OSBPL10: variants seen among roughly 807,000 people sequenced by gnomAD.
The protein encoded by OSBPL10 is oxysterol binding protein like 10.
A neutral mutation model predicts 81.7 loss-of-function variants in OSBPL10; 49 were observed. That is an observed-to-expected ratio of 0.60 (90% CI 0.48 to 0.76). The LOEUF (loss-of-function observed/expected upper bound fraction) is 0.76, where lower values mean the gene tolerates loss of function less well. Among genes scored for constraint, OSBPL10 ranks in the 30% least tolerant of loss-of-function variants. The pLI is 0.00. For missense variants in OSBPL10, 923 were observed against 987.8 expected (o/e 0.93, Z 0.88); for synonymous variants, 419 against 383.6 (o/e 1.09, Z -1.08).
At chr3:31,714,181 G>A (rs952416761) in intron 6 of OSBPL10, 7 of 152,376 alleles carry the variant, frequency 4.6e-5, no homozygotes, top group African/African-American at 1.7e-4. Context: ...CATGCACTGG[G>A]GGGTGGTAGT....
intron 2 of OSBPL10, among the ~76,000 whole-genome samples, chr3:32,044,519 A>T (rs1477316200): frequency 6.6e-6 from 1 of 151,546 alleles, no homozygotes; most frequent in Non-Finnish European, 1.5e-5. Context: ...AGGCGGGCAG[A>T]TCACTTGAGC....
intron 4 of OSBPL10, among the ~76,000 whole-genome samples, chr3:31,814,550 C>A (rs1699783981): frequency 6.6e-6 from 1 of 152,098 alleles, no homozygotes; most frequent in Admixed American, 6.6e-5. Context: ...GACACAGGTG[C>A]CCGAAGCTGG....
chr3:31,728,419 A>G (rs1463002024), intron 6 of OSBPL10, among the ~76,000 whole-genome samples: 1 of 152,204 alleles, frequency 6.6e-6, no homozygotes, highest in Non-Finnish European at 1.5e-5. Context: ...CTGGCACCAG[A>G]TATTTACCCT....
upstream of OSBPL10, among the ~76,000 whole-genome samples, chr3:31,983,173 T>A (rs1698882874): frequency 6.6e-6 from 1 of 152,212 alleles, no homozygotes; most frequent in African/African-American, 2.4e-5. Context: ...TAGCTTTGCC[T>A]AAGCTAACTT....
At chr3:31,923,740 T>C (rs981595342) in intron 1 of OSBPL10, among the ~76,000 whole-genome samples, 1 of 152,168 alleles carries the variant, frequency 6.6e-6, no homozygotes, top group African/African-American at 2.4e-5. Flanking sequence ...TGAGTTATGA[T>C]TGTGCCATTG....
In OSBPL10 at chr3:31,877,440, T is replaced by A. The variant is rs546132118; in HGVS notation, c.458-928A>T. On this transcript the variant is annotated intron_variant, in intron 2 of 11. Coordinates refer to ENST00000396556, the MANE Select transcript of OSBPL10 (RefSeq NM_017784.5). ...GTTATGTCCTTCCATCTATAACCTA[T>A]CTCTCAAATAATATATATGAAGTTA... Among the ~76,000 whole-genome samples the A allele has an allele frequency of 8.5e-5, 13 of 152,264 alleles. No individual in the cohort carries two copies. The South Asian group carries it at 2.5e-3, about 29-fold the overall frequency.
In OSBPL10 at chr3:31,916,291, A is replaced by G. The variant is rs2125699965; in HGVS notation, c.282-36461T>C. On this transcript the variant is annotated intron_variant, in intron 1 of 11. Transcript: ENST00000396556. ...AGTTAACATGCAGAAATCAATGTGC[A>G]TATTTTGTACAGCTTCCTACTCACC... is the stretch of plus-strand genomic sequence containing the variant. Among the ~76,000 whole-genome samples the G allele has an allele frequency of 2.6e-5, 4 of 152,344 alleles. No individual in the cohort carries two copies. In the South Asian group the frequency reaches 8.3e-4, roughly 32 times the overall value.
At chr3:31,882,740 A>T (rs1430723001) in intron 1 of OSBPL10, among the ~76,000 whole-genome samples, 1 of 152,156 alleles carries the variant, frequency 6.6e-6, no homozygotes, top group Non-Finnish European at 1.5e-5. Context: ...GGGTCCCTGA[A>T]ACACCACCTG....
chr3:31,992,697 A>T (rs917354395), intron 2 of OSBPL10, among the ~76,000 whole-genome samples: 2 of 152,198 alleles, frequency 1.3e-5, no homozygotes, highest in Non-Finnish European at 2.9e-5. Flanking sequence ...TATATGCAAA[A>T]AACAAACAAA....
At chr3:31,726,784 GCAC>G (rs760248350) in intron 6 of OSBPL10, among the ~76,000 whole-genome samples, 59 of 152,080 alleles carry the variant, frequency 3.9e-4, no homozygotes, top group Non-Finnish European at 4.6e-4. Flanking sequence ...ATGAGTTGCT[GCAC>G]CACACCTGGA....
intron 1 of OSBPL10, among the ~76,000 whole-genome samples, chr3:31,978,676 C>A (rs559151668): frequency 3.7e-4 from 56 of 152,256 alleles, no homozygotes; most frequent in African/African-American, 1.3e-3. Context: ...ACTTGGAAAA[C>A]GGTGAGTCTA....
At chr3:31,874,591 T>A (rs1701403974) in intron 3 of OSBPL10, among the ~76,000 whole-genome samples, 1 of 152,164 alleles carries the variant, frequency 6.6e-6, no homozygotes, top group African/African-American at 2.4e-5. Flanking sequence ...TTTTTAAGAA[T>A]GGCCAATAAA....
intron 2 of OSBPL10, among the ~76,000 whole-genome samples, chr3:32,033,636 G>A (rs1282056742): frequency 6.6e-6 from 1 of 152,220 alleles, no homozygotes; most frequent in Non-Finnish European, 1.5e-5. Flanking sequence ...TACACTCTAT[G>A]ATAGGTTTTA....
intron 1 of OSBPL10, among the ~76,000 whole-genome samples, chr3:32,049,727 C>G (rs534047970): frequency 1.2e-4 from 19 of 152,242 alleles, no homozygotes; most frequent in African/African-American, 4.6e-4. Flanking sequence ...TAGGCATGTA[C>G]AAGATTATGG....
intron 10 of OSBPL10, chr3:31,664,501 G>C (rs1700143600): frequency 3.6e-6 from 2 of 558,492 alleles, no homozygotes; most frequent in African/African-American, 3.8e-5. Flanking sequence ...TCTAATAGTA[G>C]TAGTTGGCAT....
chr3:32,062,733 G>C lies in OSBPL10; in HGVS notation n.185+14663C>G, dbSNP rs113179409. On this transcript the variant is annotated intron_variant and non_coding_transcript_variant, in intron 1 of 3. Coordinates refer to the OSBPL10 transcript ENST00000479173. ...CCAGGCTACCAGCAAAGGACTTGTG[G>C]ATGTATTATGGATTTCCAGACAAAC... 5.0e-3 allele frequency among the ~76,000 whole-genome samples: 471 copies of C among 94,378 alleles called. 95 individuals are homozygous for C. Among genetic ancestry groups the C allele is most frequent in the African/African-American group, 0.012 (433 of 36,716 alleles). The allele number at this position is 94,378 out of a possible 152,430, so 61.9% of individuals were successfully genotyped here. A position where few individuals can be genotyped will look rare whatever the true frequency, so the allele number is the denominator to read the frequency against.
intron 2 of OSBPL10, among the ~76,000 whole-genome samples, chr3:31,993,832 A>G (rs1014222276): frequency 1.3e-5 from 2 of 152,190 alleles, no homozygotes; most frequent in South Asian, 4.1e-4. Context: ...AAAGTTAAAC[A>G]TACAATATGA....
intron 4 of OSBPL10, among the ~76,000 whole-genome samples, chr3:31,827,681 C>T (rs750038055): frequency 6.6e-6 from 1 of 151,838 alleles, no homozygotes; most frequent in Non-Finnish European, 1.5e-5. Flanking sequence ...TAGATTTTTA[C>T]GTATCTACAT....
At chr3:31,700,891 C>T (rs1478172563) in intron 7 of OSBPL10, among the ~76,000 whole-genome samples, 1 of 152,128 alleles carries the variant, frequency 6.6e-6, no homozygotes, top group Non-Finnish European at 1.5e-5. Context: ...GAGAACAAGT[C>T]GTCATAGCTT....
Sources: gnomAD v4.1 joint callset for allele counts (sites outside exome capture counted in the v4.1 genomes callset) on GRCh38, gnomAD v4.1.1 for gene constraint, MANE v1.5 for transcripts, NCBI Gene and HGNC (gene_info 2026-07-23, HGNC 2026-07-21) for gene names.